KLF15: variants seen among roughly 807,000 people sequenced by gnomAD.
The protein encoded by KLF15 is Krueppel-like factor 15.
KLF15 carries 4 observed loss-of-function variants against 24.6 expected under a neutral mutation model. The ratio of observed to expected loss-of-function variants is 0.16; its 90% CI spans 0.08 to 0.37. The LOEUF is 0.37. Among genes scored for constraint, KLF15 ranks in the 10% least tolerant of loss-of-function variants. The pLI is 1.00. For missense variants in KLF15, 496 were observed against 560.6 expected (o/e 0.88, Z 1.16); for synonymous variants, 246 against 236.3 (o/e 1.04, Z -0.37).
chr3:126,292,650 T>G, the KLF15 span, among the ~76,000 whole-genome samples: 1 of 151,114 alleles, frequency 6.6e-6, no homozygotes, highest in Admixed American at 6.6e-5. Flanking sequence ...GGAAGGAGGA[T>G]GAGATGAGAA....
At chr3:126,340,813 G>T (rs1354488705), downstream of KLF15, among the ~76,000 whole-genome samples, 1 of 152,192 alleles carries the variant, frequency 6.6e-6, no homozygotes, top group African/African-American at 2.4e-5. Flanking sequence ...GTGGCATGGG[G>T]GTCTCTGAGG....
intron 2 of KLF15, among the ~76,000 whole-genome samples, chr3:126,346,859 C>G (rs996132228): frequency 6.6e-6 from 1 of 152,216 alleles, no homozygotes; most frequent in Non-Finnish European, 1.5e-5. Context: ...ACCAACCAGG[C>G]AAACTAGGAA....
At chr3:126,332,013 C>T in the KLF15 span, among the ~76,000 whole-genome samples, 9 of 152,318 alleles carry the variant, frequency 5.9e-5, no homozygotes, top group African/African-American at 2.2e-4. Context: ...CGCCATTGCC[C>T]AGGCTTGCTT....
At chr3:126,311,840 C>T in the KLF15 span, among the ~76,000 whole-genome samples, 2,624 of 152,306 alleles carry the variant, frequency 0.017, 43 homozygotes, top group Middle Eastern at 0.037. Context: ...GCCAGGAAGG[C>T]GGCCCTGCCC....
chr3:126,329,936 G>C, the KLF15 span, among the ~76,000 whole-genome samples: 2 of 150,902 alleles, frequency 1.3e-5, no homozygotes, highest in Admixed American at 1.3e-4. Context: ...GTTTTTAGTT[G>C]ATTTTGATTG....
At chr3:126,347,711 A>G (rs2082546114) in intron 2 of KLF15, among the ~76,000 whole-genome samples, 1 of 152,206 alleles carries the variant, frequency 6.6e-6, no homozygotes, top group African/African-American at 2.4e-5. Context: ...AGAACAGGGA[A>G]AGCCTGCTCT....
the KLF15 span, among the ~76,000 whole-genome samples, chr3:126,305,643 T>C: frequency 6.6e-6 from 1 of 151,796 alleles, no homozygotes; most frequent in Admixed American, 6.6e-5. Flanking sequence ...CAAGGGAGAC[T>C]GGGAAAGGAA....
In KLF15 at chr3:126,357,354, G is replaced by A. The variant is rs1576592005; in HGVS notation, c.-143C>T. 1 of 147,132 alleles carries A rather than the reference G, an allele frequency of 6.8e-6. No individual in the cohort carries two copies. Among genetic ancestry groups the A allele is most frequent in the African/African-American group, 2.4e-5 (1 of 40,888 alleles). The allele number at this position is 147,132 out of a possible 1,614,324, so 9.1% of individuals were successfully genotyped here. A position where few individuals can be genotyped will look rare whatever the true frequency, so the allele number is the denominator to read the frequency against. ...GGCGGCGGCCGGGGGCCGAGCCGCG[G>A]GTCCTGCGCTGGCTCGATCGCCCGC... On this transcript the variant is annotated 5_prime_UTR_variant, in exon 1 of 3. Coordinates refer to ENST00000296233, the MANE Select transcript of KLF15 (RefSeq NM_014079.4).
intron 2 of KLF15, among the ~76,000 whole-genome samples, chr3:126,348,010 C>A (rs895854413): frequency 5.3e-5 from 8 of 152,132 alleles, no homozygotes; most frequent in African/African-American, 1.2e-4. Context: ...AGAGCTCCCC[C>A]ACGGGGAGTA....
the KLF15 span, among the ~76,000 whole-genome samples, chr3:126,326,126 T>C: frequency 1.4e-5 from 1 of 72,728 alleles, no homozygotes; most frequent in Non-Finnish European, 2.7e-5. Flanking sequence ...GTTGTAGATA[T>C]GCGGCATTAT....
downstream of KLF15, among the ~76,000 whole-genome samples, chr3:126,341,682 C>T (rs911663819): frequency 6.6e-5 from 10 of 152,258 alleles, no homozygotes; most frequent in Admixed American, 2.0e-4. Flanking sequence ...CTGAGATGCA[C>T]GACCTCACAC....
the KLF15 span, among the ~76,000 whole-genome samples, chr3:126,333,410 T>G: frequency 1.3e-5 from 2 of 148,832 alleles, no homozygotes; most frequent in Non-Finnish European, 3.0e-5. Flanking sequence ...CTAAAAGAGC[T>G]CCTGAAGGAA....
chr3:126,334,944 C>G, the KLF15 span, among the ~76,000 whole-genome samples: 10 of 110,122 alleles, frequency 9.1e-5, no homozygotes, highest in Non-Finnish European at 1.4e-4. Context: ...GTTTACCAAC[C>G]AAAAAGAGTC....
At chr3:126,333,962 C>T in the KLF15 span, among the ~76,000 whole-genome samples, 2 of 151,476 alleles carry the variant, frequency 1.3e-5, no homozygotes, top group Non-Finnish European at 2.9e-5. Flanking sequence ...GACTCCCACA[C>T]ATTAATAATG....
chr3:126,289,063 G>A, the KLF15 span: 1 of 152,282 alleles, frequency 6.6e-6, no homozygotes, highest in Non-Finnish European at 1.5e-5. Context: ...TTTGATACAG[G>A]AGACCTTTCA....
chr3:126,323,018 T>C, the KLF15 span, among the ~76,000 whole-genome samples: 1 of 140,642 alleles, frequency 7.1e-6, no homozygotes, highest in Non-Finnish European at 1.5e-5. Context: ...ACAAGCCTGT[T>C]CTTTTTTTTT....
At chr3:126,301,666 G>A in the KLF15 span, among the ~76,000 whole-genome samples, 3 of 144,276 alleles carry the variant, frequency 2.1e-5, no homozygotes, top group Admixed American at 7.1e-5. Context: ...CCAGGCTGGA[G>A]TGCAATGGCG....
chr3:126,305,772 A>C, the KLF15 span, among the ~76,000 whole-genome samples: 1 of 152,226 alleles, frequency 6.6e-6, no homozygotes, highest in African/African-American at 2.4e-5. Context: ...GCCATCTTAA[A>C]GGTGAAAGAT....
rs565318359 is a variant in KLF15, at chr3:126,356,672, G to A, written c.-26+565C>T. ...GCGGGAGGCTGTCCGCGAAGGACTC[G>A]CGCGTGGAGCCGCCGTGGGTGCCGG... On this transcript the variant is annotated intron_variant, in intron 1 of 2. Transcript: ENST00000296233. The surrounding 1 kb of genome is among the most constrained non-coding windows in gnomAD (Gnocchi z 4.4). Among the ~76,000 whole-genome samples the A allele has an allele frequency of 2.6e-5, 4 of 152,186 alleles. No individual in the cohort carries two copies. Among genetic ancestry groups the A allele is most frequent in the South Asian group, 2.1e-4 (1 of 4,824 alleles).
Sources: gnomAD v4.1 joint callset for allele counts (sites outside exome capture counted in the v4.1 genomes callset) on GRCh38, gnomAD v4.1.1 for gene constraint, Gnocchi (gnomAD v3.1) non-coding constraint, MANE v1.5 for transcripts, NCBI Gene and HGNC (gene_info 2026-07-23, HGNC 2026-07-21) for gene names.